GPHN: variants seen among roughly 807,000 people sequenced by gnomAD.
GPHN encodes gephyrin.
In GPHN, 17 loss-of-function variants were observed where a neutral mutation model predicts 95.5. That is an observed-to-expected ratio of 0.18 (90% confidence interval 0.12 to 0.27). The LOEUF (loss-of-function observed/expected upper bound fraction) is 0.27, where lower values mean the gene tolerates loss of function less well. GPHN is among the 10% of genes least tolerant of loss of function. GPHN has a pLI of 1.00. For synonymous variants in GPHN, 320 were observed against 322.5 expected, an observed-to-expected ratio of 0.99 and a Z score of 0.08; for missense variants, 660 against 978.1, an observed-to-expected ratio of 0.67 and a Z score of 4.34.
chr14:67,330,740 G>A, the GPHN span, among the ~76,000 whole-genome samples: 2 of 144,384 alleles, frequency 1.4e-5, no homozygotes, highest in African/African-American at 2.8e-5. Flanking sequence ...TTATGGGCCT[G>A]AGCCCCCGGC....
chr14:66,531,150 T>A (rs2139945742), intron 1 of GPHN, among the ~76,000 whole-genome samples: 1 of 152,162 alleles, frequency 6.6e-6, no homozygotes, highest in Admixed American at 6.5e-5. Context: ...TTCGTCATGT[T>A]GGCCAGGCTG....
the GPHN span, among the ~76,000 whole-genome samples, chr14:67,391,216 A>G: frequency 2.6e-5 from 4 of 152,150 alleles, no homozygotes; most frequent in Non-Finnish European, 5.9e-5. Flanking sequence ...TGCATTAGGA[A>G]AAAAGCAAGA....
chr14:66,523,528 T>G (rs990064228), intron 1 of GPHN, among the ~76,000 whole-genome samples: 3 of 152,122 alleles, frequency 2.0e-5, no homozygotes, highest in Non-Finnish European at 4.4e-5. Context: ...ATATTATGTT[T>G]TAGGTTCACA....
chr14:67,681,824 C>G, the GPHN span, among the ~76,000 whole-genome samples: 2 of 151,932 alleles, frequency 1.3e-5, no homozygotes, highest in Non-Finnish European at 1.5e-5. Flanking sequence ...CTATGTAATG[C>G]TACAACTATA....
chr14:67,578,269 G>A, the GPHN span: 5 of 1,379,868 alleles, frequency 3.6e-6, no homozygotes, highest in South Asian at 2.5e-5. The surrounding 1 kb of genome is among the most constrained non-coding windows in gnomAD (Gnocchi z 5.0). Flanking sequence ...AAAGGTGGGA[G>A]GAGGTGACTG....
the GPHN span, among the ~76,000 whole-genome samples, chr14:67,451,667 C>G: frequency 6.6e-6 from 1 of 152,216 alleles, no homozygotes; most frequent in Non-Finnish European, 1.5e-5. Flanking sequence ...CCTGTACCCC[C>G]ATTGTATCTA....
At chr14:67,235,932 GT>G in the GPHN span, among the ~76,000 whole-genome samples, 1 of 151,854 alleles carries the variant, frequency 6.6e-6, no homozygotes, top group Non-Finnish European at 1.5e-5. Context: ...TTTAGAAAAA[GT>G]TTTATGTGTG....
At chr14:66,945,898 T>C (rs181596873) in intron 8 of GPHN, among the ~76,000 whole-genome samples, 1,831 of 152,314 alleles carry the variant, frequency 0.012, 19 homozygotes, top group Non-Finnish European at 0.018. Context: ...TTATCTGTGC[T>C]TAAAGAACAA....
the GPHN span, among the ~76,000 whole-genome samples, chr14:67,234,204 A>G: frequency 6.6e-6 from 1 of 152,336 alleles, no homozygotes; most frequent in Admixed American, 6.5e-5. Context: ...GACAGCTAGC[A>G]ATTGACAGAG....
intron 2 of GPHN, among the ~76,000 whole-genome samples, chr14:66,707,017 T>G (rs2069136747): frequency 3.4e-5 from 5 of 146,790 alleles, no homozygotes. Flanking sequence ...CAGACACTTC[T>G]CAAAAGAAGA....
intron 18 of GPHN, among the ~76,000 whole-genome samples, chr14:67,157,872 G>C (rs2081700485): frequency 6.6e-6 from 1 of 151,820 alleles, no homozygotes; most frequent in Admixed American, 6.6e-5. Flanking sequence ...GTGGCGGCGG[G>C]GGTGGGGCAG....
intron 9 of GPHN, among the ~76,000 whole-genome samples, chr14:66,994,514 T>C (rs1038196102): frequency 2.0e-5 from 3 of 152,218 alleles, no homozygotes; most frequent in African/African-American, 7.2e-5. Flanking sequence ...ATGTGCACCA[T>C]AGAATTGCCC....
At chr14:67,023,512 A>G in intron 9 of GPHN, 121 bp from the exon 10 acceptor site, 1 of 706,988 alleles carries the variant, frequency 1.4e-6, no homozygotes, top group Non-Finnish European at 2.6e-6. Context: ...ATGTTATGAC[A>G]TCTGAAATAC....
the GPHN span, among the ~76,000 whole-genome samples, chr14:67,532,920 G>A: frequency 6.6e-6 from 1 of 151,806 alleles, no homozygotes; most frequent in African/African-American, 2.4e-5. Flanking sequence ...GCAGATCCCC[G>A]GGGCGCTCTG....
chr14:67,487,787 C>A, the GPHN span, among the ~76,000 whole-genome samples: 1 of 151,948 alleles, frequency 6.6e-6, no homozygotes, highest in Non-Finnish European at 1.5e-5. Flanking sequence ...TGCCCTTTGC[C>A]ATGTACTTTA....
At chr14:67,351,048 G>C in the GPHN span, among the ~76,000 whole-genome samples, 2 of 152,172 alleles carry the variant, frequency 1.3e-5, no homozygotes, top group Non-Finnish European at 2.9e-5. Context: ...TAATTTTAAA[G>C]TACATCTGGA....
chr14:66,968,051 A>T (rs2153589377), intron 9 of GPHN, among the ~76,000 whole-genome samples: 1 of 152,104 alleles, frequency 6.6e-6, no homozygotes, highest in East Asian at 1.9e-4. Context: ...TTTTTATTTA[A>T]AATAATGAAT....
chr14:67,724,034 C>G, the GPHN span, among the ~76,000 whole-genome samples: 2 of 152,150 alleles, frequency 1.3e-5, no homozygotes, highest in Admixed American at 6.5e-5. Context: ...TGCCACCCCC[C>G]ACAGAGTGCT....
At chr14:67,663,524 A>G in the GPHN span, among the ~76,000 whole-genome samples, 1 of 151,844 alleles carries the variant, frequency 6.6e-6, no homozygotes, top group Non-Finnish European at 1.5e-5. Context: ...AATACAAAAA[A>G]TTAGCCTGGT....
Sources: gnomAD v4.1 joint callset for allele counts (sites outside exome capture counted in the v4.1 genomes callset) on GRCh38, gnomAD v4.1.1 for gene constraint, Gnocchi (gnomAD v3.1) non-coding constraint, MANE v1.5 for transcripts, NCBI Gene and HGNC (gene_info 2026-07-23, HGNC 2026-07-21) for gene names.